Variants in ANKRD44 observed in about 807,000 individuals in gnomAD.
ANKRD44 encodes serine/threonine-protein phosphatase 6 regulatory ankyrin repeat subunit B.
A neutral mutation model predicts 116.0 loss-of-function variants in ANKRD44; 35 were observed. The observed-to-expected ratio is 0.30, with a 90% confidence interval of 0.23 to 0.40. ANKRD44 has a LOEUF of 0.40. Ranked by LOEUF, ANKRD44 falls within the 10% of genes least tolerant of loss-of-function variation. The pLI is 1.00. For missense variants in ANKRD44, 1,014 were observed against 1,242.6 expected, an observed-to-expected ratio of 0.82 and a Z score of 2.77; for synonymous variants, 435 against 461.8, an observed-to-expected ratio of 0.94 and a Z score of 0.74.
intron 10 of ANKRD44, among the ~76,000 whole-genome samples, chr2:197,093,864 G>A (rs1447547356): frequency 6.6e-6 from 1 of 152,130 alleles, no homozygotes; most frequent in East Asian, 1.9e-4. Flanking sequence ...AATAATGAAG[G>A]TGCCAAATCA....
intron 27 of ANKRD44, among the ~76,000 whole-genome samples, chr2:196,991,509 C>A (rs762869795): frequency 6.6e-6 from 1 of 152,140 alleles, no homozygotes; most frequent in Non-Finnish European, 1.5e-5. Flanking sequence ...AAAATGGAAT[C>A]ATTTCAGTAG....
intron 1 of ANKRD44, among the ~76,000 whole-genome samples, chr2:197,240,722 T>G (rs1280156828): frequency 6.8e-6 from 1 of 147,240 alleles, no homozygotes; most frequent in Non-Finnish European, 1.5e-5. Flanking sequence ...ACATGTAAGA[T>G]TTTACTGTGA....
At chr2:197,103,688 G>A (rs2078358147) in intron 9 of ANKRD44, among the ~76,000 whole-genome samples, 1 of 152,078 alleles carries the variant, frequency 6.6e-6, no homozygotes, top group Admixed American at 6.5e-5. Context: ...ATTTCTGATT[G>A]AGAAAGTATT....
rs183628407 is a variant in ANKRD44, at chr2:197,249,347, T to G, written c.27+61231A>C. Among the ~76,000 whole-genome samples the G allele has an allele frequency of 1.4e-3, 211 of 152,306 alleles. 1 individual carries two copies. The highest frequency in any genetic ancestry group is 2.2e-3 in the Non-Finnish European group (153 of 68,024). ...AGAAAACACATTTGACAAGTAATTT[T>G]TATCAAGTCACTAAACCTTCTTGAA... is the stretch of plus-strand genomic sequence containing the variant. On this transcript the variant is annotated intron_variant, in intron 1 of 27. Transcript: ENST00000282272.
chr2:197,129,134 C>T (rs1298414969), intron 4 of ANKRD44, among the ~76,000 whole-genome samples: 1 of 150,692 alleles, frequency 6.6e-6, no homozygotes, highest in Admixed American at 6.6e-5. Flanking sequence ...TTGTTTGTTT[C>T]TTTTTCTTTT....
At chr2:197,110,958 AT>A in intron 8 of ANKRD44, 114 bp from the exon 9 acceptor site, 1 of 751,726 alleles carries the variant, frequency 1.3e-6, no homozygotes, top group Non-Finnish European at 2.3e-6. Context: ...TCATTTATTT[AT>A]TTATTTTTTA....
intron 21 of ANKRD44, among the ~76,000 whole-genome samples, chr2:196,970,935 T>G (rs1194459431): frequency 6.6e-6 from 1 of 152,206 alleles, no homozygotes; most frequent in Non-Finnish European, 1.5e-5. Flanking sequence ...ATGCCTGGGC[T>G]CAAGTGATCC....
At chr2:197,001,547 T>C (rs2076115159) in intron 22 of ANKRD44, among the ~76,000 whole-genome samples, 1 of 152,250 alleles carries the variant, frequency 6.6e-6, no homozygotes, top group African/African-American at 2.4e-5. Flanking sequence ...GTGGCATCTT[T>C]GCCACTTTGG....
intron 16 of ANKRD44, among the ~76,000 whole-genome samples, chr2:197,043,452 C>G (rs2076947614): frequency 6.6e-6 from 1 of 152,162 alleles, no homozygotes; most frequent in Non-Finnish European, 1.5e-5. Context: ...AAGTGATCCT[C>G]CCACCTCAGC....
intron 2 of ANKRD44, among the ~76,000 whole-genome samples, chr2:197,171,719 A>T (rs1206057553): frequency 6.6e-6 from 1 of 152,122 alleles, no homozygotes; most frequent in Admixed American, 6.5e-5. Flanking sequence ...TGTCATGATG[A>T]TGTTCATCGA....
Position 197,039,680 on chromosome 2 carries a change from CGTGT to C in ANKRD44, c.1651-14417_1651-14414del, listed in dbSNP as rs10535447. On this transcript the variant is annotated intron_variant, in intron 16 of 27. Coordinates refer to ENST00000282272, the MANE Select transcript of ANKRD44 (RefSeq NM_001195144.2). ...GTGTGGTGGTGATTGTGTGTGTGTG[CGTGT>C]GTGTGTGTGTGTGTGTGTGTGTGTG... Among the ~76,000 whole-genome samples the C allele has an allele frequency of 6.9e-3, 975 of 141,520 alleles. 9 individuals carry two copies. Among genetic ancestry groups the C allele is most frequent in the East Asian group, 0.02 (94 of 4,792 alleles). 92.8% of individuals were successfully genotyped at this position (141,520 alleles called of 152,430 possible).
At chr2:197,112,898 A>C (rs1448808570) in intron 8 of ANKRD44, among the ~76,000 whole-genome samples, 1 of 152,108 alleles carries the variant, frequency 6.6e-6, no homozygotes, top group Non-Finnish European at 1.5e-5. Context: ...TATATTCTAT[A>C]AGTCTATTCC....
At chr2:197,151,253 T>C (rs1264833400) in intron 2 of ANKRD44, among the ~76,000 whole-genome samples, 1 of 152,054 alleles carries the variant, frequency 6.6e-6, no homozygotes, top group African/African-American at 2.4e-5. Flanking sequence ...TAAATCTCCA[T>C]TGAAAATGAA....
chr2:197,042,260 T>A (rs947461030), intron 16 of ANKRD44, among the ~76,000 whole-genome samples: 4 of 152,172 alleles, frequency 2.6e-5, no homozygotes, highest in African/African-American at 9.7e-5. Context: ...GTAGCCAGCT[T>A]GCAGGCCTGC....
chr2:197,101,214 C>T (rs1462079618), intron 9 of ANKRD44, among the ~76,000 whole-genome samples: 1 of 151,838 alleles, frequency 6.6e-6, no homozygotes, highest in Non-Finnish European at 1.5e-5. Flanking sequence ...TCTGTTAATC[C>T]AAAACAATCC....
intron 2 of ANKRD44, among the ~76,000 whole-genome samples, chr2:197,175,979 A>C (rs2080355757): frequency 6.6e-6 from 1 of 152,176 alleles, no homozygotes. Flanking sequence ...ACAATATATA[A>C]GCAATTGTGT....
chr2:196,997,092 T>C (rs1188751335), intron 25 of ANKRD44, among the ~76,000 whole-genome samples: 1 of 152,076 alleles, frequency 6.6e-6, no homozygotes, highest in East Asian at 1.9e-4. Context: ...ACTTTTTGAA[T>C]ATTGACATAA....
At chr2:196,999,298 T>C (rs2076071241) in intron 23 of ANKRD44, among the ~76,000 whole-genome samples, 2 of 152,182 alleles carry the variant, frequency 1.3e-5, no homozygotes, top group Non-Finnish European at 2.9e-5. Flanking sequence ...ATTAGTGTCT[T>C]TACTGACTCT....
intron 1 of ANKRD44, among the ~76,000 whole-genome samples, chr2:197,198,292 G>T (rs1203975800): frequency 6.6e-6 from 1 of 152,110 alleles, no homozygotes; most frequent in African/African-American, 2.4e-5. Flanking sequence ...GGGAGCAGTG[G>T]GTGGTTTTTG....
Sources: gnomAD v4.1 joint callset for allele counts (sites outside exome capture counted in the v4.1 genomes callset) on GRCh38, gnomAD v4.1.1 for gene constraint, MANE v1.5 for transcripts, NCBI Gene and HGNC (gene_info 2026-07-23, HGNC 2026-07-21) for gene names.